COL4A2: variants seen among roughly 807,000 people sequenced by gnomAD.
COL4A2 encodes the protein collagen alpha-2(IV) chain.
In COL4A2, 99 loss-of-function variants were observed where a neutral mutation model predicts 200.2. The ratio of observed to expected loss-of-function variants is 0.49; its 90% confidence interval spans 0.42 to 0.58. The LOEUF is 0.58. Ranked by LOEUF, COL4A2 falls within the 20% of genes least tolerant of loss-of-function variation. The probability of loss-of-function intolerance (pLI) is 0.00; values close to 1 mark genes in which losing one functional copy is unlikely to be tolerated. For synonymous variants in COL4A2, 897 were observed against 900.6 expected, an observed-to-expected ratio of 1.00 and a Z score of 0.07; for missense variants, 1,950 against 2,314.1, an observed-to-expected ratio of 0.84 and a Z score of 3.23.
chr13:110,413,650 G>A (rs574370601), intron 4 of COL4A2, among the ~76,000 whole-genome samples: 3 of 152,312 alleles, frequency 2.0e-5, no homozygotes, highest in Non-Finnish European at 4.4e-5. Context: ...AGGGCAGTGG[G>A]GGACAAAAAA....
At chr13:110,385,435 C>CGTGGTCACAGCGTG (rs1566504851) in intron 4 of COL4A2, among the ~76,000 whole-genome samples, 1 of 43,888 alleles carries the variant, frequency 2.3e-5, no homozygotes, top group African/African-American at 9.8e-5. Flanking sequence ...GTTACAGTGC[C>CGTGGTCACAGCGTG]TGGATAGACC....
intron 13 of COL4A2, among the ~76,000 whole-genome samples, 191 bp from the exon 14 acceptor site, chr13:110,437,811 G>A (rs59218876): frequency 6.6e-6 from 1 of 152,290 alleles, no homozygotes; most frequent in South Asian, 2.1e-4. Context: ...TGAAAATCTA[G>A]AAGAAATGAC....
chr13:110,360,221 T>C (rs529516152), intron 4 of COL4A2, among the ~76,000 whole-genome samples: 1 of 152,336 alleles, frequency 6.6e-6, no homozygotes, highest in Admixed American at 6.5e-5. Flanking sequence ...GGGACGGAGT[T>C]CGTGTCTAGA....
At chr13:110,422,865 A>G (rs920483103) in intron 4 of COL4A2, among the ~76,000 whole-genome samples, 3 of 152,222 alleles carry the variant, frequency 2.0e-5, no homozygotes, top group African/African-American at 7.2e-5. Context: ...TGCCTCAATG[A>G]CATTAACACT....
At chr13:110,329,470 T>C (rs964274636) in intron 3 of COL4A2, among the ~76,000 whole-genome samples, 4 of 152,230 alleles carry the variant, frequency 2.6e-5, no homozygotes, top group Admixed American at 2.0e-4. Flanking sequence ...TCCCACCCTC[T>C]TCCCTCACTG....
In COL4A2 at chr13:110,377,902, A is replaced by ATTTTGAC. The variant is rs545408014; in HGVS notation, c.180+20350_180+20351insTTTTGAC. Among the ~76,000 whole-genome samples, 12 of 152,348 alleles carry ATTTTGAC rather than the reference A, an allele frequency of 7.9e-5. No homozygotes were observed. In the South Asian group the frequency reaches 2.1e-3, roughly 26 times the overall value. ...CTTCACAGAACTTTTCTGGAAAAAA[A>ATTTTGAC]AGTATACTGTCAAAATGTTTCTCTT... is the stretch of plus-strand genomic sequence containing the variant. On this transcript the variant is annotated intron_variant, in intron 4 of 47. Coordinates refer to ENST00000360467, the MANE Select transcript of COL4A2 (RefSeq NM_001846.4).
At chr13:110,402,999 TG>T (rs1879430412) in intron 4 of COL4A2, among the ~76,000 whole-genome samples, 2 of 152,202 alleles carry the variant, frequency 1.3e-5, no homozygotes, top group Non-Finnish European at 2.9e-5. Flanking sequence ...TGCATCCGAT[TG>T]CAGGGAGCAG....
chr13:110,323,305 G>T (rs1287623270), intron 3 of COL4A2, among the ~76,000 whole-genome samples: 1 of 152,204 alleles, frequency 6.6e-6, no homozygotes, highest in Non-Finnish European at 1.5e-5. Context: ...TGGTCAGGGA[G>T]CTCTAACCAG....
intron 3 of COL4A2, among the ~76,000 whole-genome samples, chr13:110,347,518 C>G (rs1437969199): frequency 2.0e-5 from 3 of 152,360 alleles, no homozygotes; most frequent in Non-Finnish European, 4.4e-5. Flanking sequence ...TCTTCAGCAT[C>G]CTGGGTTCTC....
intron 40 of COL4A2, 126 bp downstream of exon 40, chr13:110,495,593 T>C (rs924383922): frequency 1.6e-6 from 2 of 1,235,580 alleles, no homozygotes; most frequent in African/African-American, 1.5e-5. Flanking sequence ...CTGGTTTTTC[T>C]GGGGAGGACT....
At chr13:110,430,290 C>T in intron 8 of COL4A2, 111 bp from the exon 9 acceptor site, 4 of 1,385,610 alleles carry the variant, frequency 2.9e-6, no homozygotes, top group Non-Finnish European at 3.9e-6. Flanking sequence ...TTACTAGGTC[C>T]TGATAGGGCT....
Position 110,512,280 on chromosome 13 carries a change from T to C in COL4A2, c.*89T>C. ...CCCAAAAATTGGTTTTATTTTTTTC[T>C]TAAAAAAAAAAAAGTCTACCAAAGG... is the stretch of plus-strand genomic sequence containing the variant. On this transcript the variant is annotated 3_prime_UTR_variant, in exon 48 of 48. Coordinates refer to ENST00000360467, the MANE Select transcript of COL4A2 (RefSeq NM_001846.4). 1.4e-6 allele frequency: 2 copies of C among 1,411,800 alleles called. No individual in the cohort carries two copies. The highest frequency in any genetic ancestry group is 1.4e-5 in the South Asian group (1 of 71,348). The allele number at this position is 1,411,800 out of a possible 1,614,324, so 87.5% of individuals were successfully genotyped here. A position where few individuals can be genotyped will look rare whatever the true frequency, so the allele number is the denominator to read the frequency against.
intron 15 of COL4A2, 118 bp from the exon 16 acceptor site, chr13:110,439,671 T>C (rs1200284843): frequency 6.6e-7 from 1 of 1,526,658 alleles, no homozygotes; most frequent in Non-Finnish European, 8.9e-7. Flanking sequence ...GACCTGAGAC[T>C]TGTTCAATCT....
At chr13:110,401,390 G>A (rs764085230) in intron 4 of COL4A2, among the ~76,000 whole-genome samples, 1 of 152,170 alleles carries the variant, frequency 6.6e-6, no homozygotes, top group Non-Finnish European at 1.5e-5. Context: ...ACTCCACAAA[G>A]GTGTTTTCCA....
At chr13:110,356,445 CCCT>C (rs1877268211) in intron 3 of COL4A2, among the ~76,000 whole-genome samples, 1 of 152,242 alleles carries the variant, frequency 6.6e-6, no homozygotes, top group African/African-American at 2.4e-5. Flanking sequence ...ACCTGCCAGT[CCCT>C]CCTCCTCACA....
intron 3 of COL4A2, among the ~76,000 whole-genome samples, chr13:110,333,847 A>C (rs1006339145): frequency 1.3e-5 from 2 of 152,228 alleles, no homozygotes; most frequent in African/African-American, 4.8e-5. Context: ...TCTTATCACG[A>C]TCTAGGTCCT....
intron 39 of COL4A2, among the ~76,000 whole-genome samples, chr13:110,493,805 G>C (rs1281386070): frequency 8.1e-6 from 1 of 123,300 alleles, no homozygotes; most frequent in Non-Finnish European, 1.8e-5. Context: ...CAGCATGCCA[G>C]CGTGGTCGGG....
chr13:110,419,068 G>A (rs975810925), intron 4 of COL4A2, among the ~76,000 whole-genome samples: 6 of 152,180 alleles, frequency 3.9e-5, no homozygotes, highest in Non-Finnish European at 8.8e-5. Flanking sequence ...TGGAATCCCC[G>A]GAGGATCACC....
intron 15 of COL4A2, among the ~76,000 whole-genome samples, chr13:110,439,582 CA>C (rs1440865620): frequency 1.3e-5 from 2 of 152,156 alleles, no homozygotes; most frequent in African/African-American, 4.8e-5. Context: ...CCCACCTCCC[CA>C]CAACTTTGTA....
Sources: gnomAD v4.1 joint callset for allele counts (sites outside exome capture counted in the v4.1 genomes callset) on GRCh38, gnomAD v4.1.1 for gene constraint, MANE v1.5 for transcripts, NCBI Gene and HGNC (gene_info 2026-07-23, HGNC 2026-07-21) for gene names.